Variants in XIST observed in about 807,000 individuals in gnomAD.
XIST encodes the protein X inactive specific transcript (non-protein coding).
Position 73,846,955 on chromosome X carries a change from G to C in XIST, n.5769C>G, listed in dbSNP as rs751553168. Reference sequence around the variant, plus strand: ...TGCAATTACATGCCATCTACAGTTCGAAGAGAAGGGCTTAATATTGATTAG... The same window carrying C: ...TGCAATTACATGCCATCTACAGTTCCAAGAGAAGGGCTTAATATTGATTAG... On this transcript the variant is annotated non_coding_transcript_exon_variant, in exon 1 of 6. Transcript: ENST00000429829. The C allele has an allele frequency of 7.2e-6, 4 of 559,062 alleles. No individual in the cohort carries two copies. The South Asian group carries it at 8.9e-5, about 12-fold the overall frequency. 46.1% of individuals were successfully genotyped at this position (559,062 alleles called of 1,213,427 possible).
At chrX:73,834,521 C>G (rs529005111) in intron 2 of XIST, among the ~76,000 whole-genome samples, 7 of 112,307 alleles carry the variant, frequency 6.2e-5, no homozygotes, top group Admixed American at 5.6e-4. Flanking sequence ...GATACAGAAC[C>G]ATACATTTCA....
At chrX:73,842,633 T>A (rs112527404) in exon 1 of XIST, 3 of 556,256 alleles carry the variant, frequency 5.4e-6, no homozygotes, top group Admixed American at 2.2e-5. Flanking sequence ...ACTGTGTTTA[T>A]TAATAACACA....
intron 3 of XIST, among the ~76,000 whole-genome samples, chrX:73,832,086 G>A (rs1569511891): frequency 8.9e-6 from 1 of 112,275 alleles, no homozygotes. Context: ...TGTAATCCCA[G>A]CAGTTTGGGA....
chrX:73,851,668 C>T (rs1316824300), exon 1 of XIST: 1 of 557,173 alleles, frequency 1.8e-6, no homozygotes, highest in African/African-American at 2.2e-5. Context: ...CGCAAAGCTC[C>T]TAACAAGCCC....
exon 6 of XIST, chrX:73,826,299 G>T (rs760470180): frequency 1.8e-6 from 1 of 557,221 alleles, no homozygotes; most frequent in Non-Finnish European, 3.2e-6. Context: ...GGCTTCTGGG[G>T]TCAAAAGAAA....
chrX:73,822,915 C>CT (rs771587899), exon 6 of XIST: 5 of 558,658 alleles, frequency 9.0e-6, no homozygotes, highest in Non-Finnish European at 1.6e-5. Context: ...AACACAGTCT[C>CT]TTAGAGAATT....
At chrX:73,841,702 G>A (rs186281013) in exon 1 of XIST, 13 of 515,684 alleles carry the variant, frequency 2.5e-5, no homozygotes, top group South Asian at 1.5e-4. Context: ...TAGGGAACTC[G>A]TCTTATCATT....
rs374970516 is a variant in XIST at position 73,849,652 on chromosome X, G to A, written n.3072C>T. ...TTTGTCCTGAGATCACAGACAAATG[G>A]GATTGTATGCATTAACTGAAAATGG... On this transcript the variant is annotated non_coding_transcript_exon_variant, in exon 1 of 6. Coordinates refer to ENST00000429829, the Ensembl canonical transcript of XIST. 1.1e-5 allele frequency: 6 copies of A among 556,047 alleles called. No homozygotes were observed. The African/African-American group carries it at 1.1e-4, about 10-fold the overall frequency. 45.8% of individuals were successfully genotyped at this position (556,047 alleles called of 1,213,427 possible). A position where few individuals can be genotyped will look rare whatever the true frequency, so the allele number is the denominator to read the frequency against.
rs200315389 is a variant in XIST at position 73,823,799 on chromosome X, T to TAGTGATG, written n.16101_16102insCATCACT. The TAGTGATG allele has an allele frequency of 1.7e-3, 922 of 555,394 alleles. 11 individuals carry two copies. The East Asian group carries it at 0.027, about 16-fold the overall frequency. The allele number at this position is 555,394 out of a possible 1,213,427, so 45.8% of individuals were successfully genotyped here. A position where few individuals can be genotyped will look rare whatever the true frequency, so the allele number is the denominator to read the frequency against. On this transcript the variant is annotated non_coding_transcript_exon_variant, in exon 6 of 6. Transcript: ENST00000429829. Reference sequence around the variant, plus strand: ...TTTGTCCCATGTTTTCATCACTGAATAAACTTGTTAAATGACTTTTGGTCT... The same window carrying TAGTGATG: ...TTTGTCCCATGTTTTCATCACTGAATAGTGATGAAACTTGTTAAATGACTTTTGGTCT...
intron 2 of XIST, among the ~76,000 whole-genome samples, chrX:73,835,603 G>T: frequency 8.9e-6 from 1 of 111,943 alleles, no homozygotes; most frequent in East Asian, 2.8e-4. Context: ...TTCATTCCAG[G>T]TTTGTTCATA....
exon 1 of XIST, chrX:73,848,217 C>A (rs760397228): frequency 1.8e-6 from 1 of 554,945 alleles, no homozygotes; most frequent in Non-Finnish European, 3.2e-6. Flanking sequence ...CCAAGTACCC[C>A]CTGCTGTAAG....
chrX:73,847,301 T>A (rs1922796946), exon 1 of XIST: 1 of 546,385 alleles, frequency 1.8e-6, no homozygotes, highest in Non-Finnish European at 3.3e-6. Context: ...CTGCTAATTA[T>A]GCGCATTTAA....
exon 1 of XIST, chrX:73,845,719 T>C (rs1922737419): frequency 3.7e-6 from 2 of 545,851 alleles, no homozygotes; most frequent in Non-Finnish European, 6.6e-6. Flanking sequence ...CCAAGGTGCA[T>C]GGCTGTGGTC....
Position 73,842,169 on chromosome X carries a change from A to T in XIST, n.10555T>A. On this transcript the variant is annotated non_coding_transcript_exon_variant, in exon 1 of 6. Transcript: ENST00000429829. ...ACCCTACAATCCAGATGTCTTTCTT[A>T]AAAAAATTTTTTTAATAATAATAAG... is the stretch of plus-strand genomic sequence containing the variant. The T allele has an allele frequency of 5.9e-6, 3 of 509,722 alleles. No individual in the cohort carries two copies. The South Asian group carries it at 7.7e-5, about 13-fold the overall frequency. The allele number at this position is 509,722 out of a possible 1,213,427, so 42.0% of individuals were successfully genotyped here.
At chrX:73,847,458 G>C in exon 1 of XIST, 17 of 512,134 alleles carry the variant, frequency 3.3e-5, no homozygotes, top group African/African-American at 9.3e-5. Flanking sequence ...GGCAGTAAGG[G>C]ATCTTCCCAC....
chrX:73,841,971 A>T (rs978396902), exon 1 of XIST: 1 of 541,456 alleles, frequency 1.8e-6, no homozygotes, highest in Non-Finnish European at 3.3e-6. Flanking sequence ...CCACACAAAG[A>T]TACTGGTCTT....
chrX:73,833,668 T>G (rs1922428885), intron 2 of XIST: 1 of 157,599 alleles, frequency 6.3e-6, no homozygotes. Context: ...GTCATCCTGT[T>G]GCTGAAAATA....
intron 2 of XIST, among the ~76,000 whole-genome samples, chrX:73,835,392 T>C (rs1270691802): frequency 8.9e-6 from 1 of 112,280 alleles, no homozygotes; most frequent in East Asian, 2.8e-4. Context: ...CTATGTGCTA[T>C]AATGGCAGGA....
chrX:73,824,878 G>T (rs1312770516), exon 6 of XIST: 2 of 555,213 alleles, frequency 3.6e-6, no homozygotes, highest in Admixed American at 4.5e-5. Context: ...CATCTGAATA[G>T]TATAGAGGAT....
Sources: gnomAD v4.1 joint callset for allele counts (sites outside exome capture counted in the v4.1 genomes callset) on GRCh38, gnomAD v4.1.1 for gene constraint, MANE v1.5 for transcripts, NCBI Gene and HGNC (gene_info 2026-07-23, HGNC 2026-07-21) for gene names.